Variants in LTN1 observed in about 807,000 individuals in gnomAD.
LTN1 encodes the protein listerin E3 ubiquitin protein ligase 1, also known as E3 ubiquitin-protein ligase listerin.
LTN1 carries 88 observed loss-of-function variants against 201.2 expected under a neutral mutation model. The ratio of observed to expected loss-of-function variants is 0.44; its 90% CI spans 0.37 to 0.52. The LOEUF (loss-of-function observed/expected upper bound fraction) is 0.52. LTN1 is among the 20% of genes least tolerant of loss of function. LTN1 has a pLI of 0.00. For missense variants in LTN1, 1,752 were observed against 2,038.7 expected, an observed-to-expected ratio of 0.86 and a Z score of 2.71; for synonymous variants, 645 against 713.5, an observed-to-expected ratio of 0.90 and a Z score of 1.53.
At chr21:28,969,679 A>G in intron 8 of LTN1, 78 bp from the exon 9 acceptor site, 1 of 1,072,926 alleles carries the variant, frequency 9.3e-7, no homozygotes, top group Non-Finnish European at 1.3e-6. Context: ...TAAAGACCTC[A>G]AAAAGGCATC....
chr21:28,955,630 A>G (rs144394905), intron 16 of LTN1, among the ~76,000 whole-genome samples: 157 of 152,182 alleles, frequency 1.0e-3, no homozygotes, highest in Non-Finnish European at 1.8e-3. Context: ...TTCAGCCATT[A>G]AAAAAAGAAT....
In LTN1 at chr21:28,944,389, C is replaced by T. The variant is rs746064024; in HGVS notation, c.3976G>A (p.Val1326Ile). 6.2e-7 allele frequency: 1 copy of T among 1,609,596 alleles called. No individual in the cohort carries two copies. The highest frequency in any genetic ancestry group is 1.1e-5 in the South Asian group (1 of 90,960). Residue 1326 changes from valine (V) to isoleucine (I), a missense_variant, in exon 22 of 30, where the codon GTT becomes ATT. Val to Ile is a conservative substitution (Grantham distance 29). This residue lies in a region of LTN1 where 1,211 missense variants were observed against 1,312.8 expected (regional missense o/e 0.92). Transcript: ENST00000361371. ...TATTCCCTTTTTCACTTGCCTGTAA[C>T]AGTCACCAAAATAGGTAAAAGCAAA... The part of the protein sequence containing the change: ...HSLLLPILVT[V>I]TGENKDVSET...
intron 18 of LTN1, among the ~76,000 whole-genome samples, chr21:28,951,030 C>A (rs2084378205): frequency 6.6e-6 from 1 of 151,682 alleles, no homozygotes. Flanking sequence ...CTGTCTCTCA[C>A]ACACACAAAC....
In LTN1 at chr21:28,930,800, A is replaced by G. The variant is rs74984648; in HGVS notation, c.5239-290T>C. Among the ~76,000 whole-genome samples the G allele has an allele frequency of 8.8e-3, 1,334 of 152,322 alleles. 18 individuals are homozygous for G. The highest frequency in any genetic ancestry group is 0.063 in the East Asian group (324 of 5,178). On this transcript the variant is annotated intron_variant, in intron 29 of 29. Coordinates refer to ENST00000361371, the MANE Select transcript of LTN1 (RefSeq NM_015565.3). ...GCAACTTCTTTTTCAGTATGTTTAA[A>G]AAGAGCACAGGGCTCTGATGCCAGA... is the stretch of plus-strand genomic sequence containing the variant.
rs142531321 is a variant in LTN1, at chr21:28,966,587, C to G, written c.1904G>C (p.Gly635Ala). The G allele has an allele frequency of 6.8e-6, 11 of 1,613,932 alleles. No individual in the cohort carries two copies. Among genetic ancestry groups the G allele is most frequent in the African/African-American group, 6.7e-5 (5 of 74,918 alleles). Reference sequence around the variant, plus strand: ...TTGGACAATACTCTGTTTTTCATCACCAAGTAGCATTTTAAATACTCGGCT... The same window carrying G: ...TTGGACAATACTCTGTTTTTCATCAGCAAGTAGCATTTTAAATACTCGGCT... The part of the protein sequence containing the change: ...SSSRVFKMLL[G>A]DEKQSIVQAK... The change falls in exon 10 of 30, where the codon GGT (glycine) becomes GCT (alanine). Residue 635 changes from glycine to alanine, a missense_variant. By Grantham distance (60) the Gly-to-Ala change is moderately conservative. Transcript: ENST00000361371.
chr21:28,970,837 C>G (rs936330680), intron 7 of LTN1, 95 bp from the exon 8 acceptor site: 1 of 948,160 alleles, frequency 1.1e-6, no homozygotes, highest in Non-Finnish European at 1.5e-6. Context: ...AAAGAAAAAC[C>G]AAGTATTTTA....
intron 29 of LTN1, 132 bp from the exon 30 acceptor site, chr21:28,930,642 CTCTT>C: frequency 7.3e-6 from 4 of 545,620 alleles, no homozygotes; most frequent in Admixed American, 3.8e-5. Flanking sequence ...AAAATTTTTG[CTCTT>C]TCTGTTATCT....
At chr21:28,952,100 G>T in intron 18 of LTN1, 60 bp downstream of exon 18, 1 of 883,304 alleles carries the variant, frequency 1.1e-6, no homozygotes, top group Non-Finnish European at 1.8e-6. Context: ...ATTAATTAGG[G>T]GTTGCCAAAG....
chr21:28,968,350 G>C (rs1340910746), intron 9 of LTN1, among the ~76,000 whole-genome samples: 1 of 152,088 alleles, frequency 6.6e-6, no homozygotes, highest in African/African-American at 2.4e-5. Flanking sequence ...AGGACCCACA[G>C]AGTGCGGAAT....
chr21:28,943,620 A>AT (rs1477361502), intron 23 of LTN1, 47 bp downstream of exon 23: 3 of 1,365,598 alleles, frequency 2.2e-6, no homozygotes, highest in African/African-American at 1.4e-5. Flanking sequence ...CATATATTCT[A>AT]TTTTTTTAGA....
chr21:28,949,031 T>G (rs575080188), intron 18 of LTN1, among the ~76,000 whole-genome samples: 9 of 152,356 alleles, frequency 5.9e-5, no homozygotes, highest in African/African-American at 1.9e-4. Flanking sequence ...AGCTGCACAT[T>G]TAATGAATCT....
chr21:28,952,795 C>A (rs1029486681), intron 17 of LTN1, among the ~76,000 whole-genome samples: 2 of 152,200 alleles, frequency 1.3e-5, no homozygotes, highest in African/African-American at 4.8e-5. Context: ...CATCTTACTA[C>A]TACAACCTCT....
Position 28,990,933 on chromosome 21 carries a change from C to CT in LTN1, c.42+1830dup, listed in dbSNP as rs879804106. ...AATCTCAGATGTTAAAACGGTTTAT[C>CT]TTTTTAAAAAAGTCCCAGCCTGGGC... On this transcript the variant is annotated intron_variant, in intron 1 of 29. Coordinates refer to ENST00000361371, the MANE Select transcript of LTN1 (RefSeq NM_015565.3). Among the ~76,000 whole-genome samples, 634 of 152,206 alleles carry CT rather than the reference C, an allele frequency of 4.2e-3. 1 individual carries two copies. Among genetic ancestry groups the CT allele is most frequent in the Non-Finnish European group, 5.1e-3 (347 of 68,010 alleles).
Position 28,966,923 on chromosome 21 carries a change from T to C in LTN1, c.1568A>G (p.Gln523Arg), listed in dbSNP as rs759169032. The C allele has an allele frequency of 2.7e-5, 43 of 1,613,520 alleles. No individual in the cohort carries two copies. The South Asian group carries it at 4.7e-4, about 18-fold the overall frequency. Residue 523 changes from glutamine to arginine, a missense_variant, in exon 10 of 30, where the codon CAG (glutamine) becomes CGG (arginine). By Grantham distance (43) the Gln-to-Arg change is conservative. Transcript: ENST00000361371. ...LGVSNLLQVL[Q>R]KPKSSLKSSK... ...TGACTTCAATGAGCTCTTCGGCTTC[T>C]GAAGCACCTGTAATAGGTTAGATAC...
intron 1 of LTN1, among the ~76,000 whole-genome samples, chr21:28,988,243 G>A (rs1346035986): frequency 6.6e-6 from 1 of 151,884 alleles, no homozygotes; most frequent in Non-Finnish European, 1.5e-5. Flanking sequence ...AAGGCGGGTG[G>A]ATCACTTGAG....
At chr21:28,933,640 C>T (rs2084229249) in intron 27 of LTN1, among the ~76,000 whole-genome samples, 1 of 150,036 alleles carries the variant, frequency 6.7e-6, no homozygotes, top group African/African-American at 2.5e-5. Context: ...CACTTCTATG[C>T]TTTTTGCTTT....
chr21:28,975,290 T>G (rs1345736984), intron 6 of LTN1, among the ~76,000 whole-genome samples: 2 of 151,902 alleles, frequency 1.3e-5, no homozygotes, highest in Non-Finnish European at 2.9e-5. Flanking sequence ...CAAGTGGAAG[T>G]TCTAGGAATA....
rs1351359984 is a variant in LTN1, at chr21:28,935,346, T to G, written c.4655-17A>C. ...TTGTTGTTTCTGAGGAAAAAACAAA[T>G]TATTGATTAGTAACATATATTTCTT... On this transcript the variant is annotated splice_polypyrimidine_tract_variant and intron_variant, in intron 26 of 29. Coordinates refer to ENST00000361371, the MANE Select transcript of LTN1 (RefSeq NM_015565.3). 1 of 1,451,036 alleles carries G rather than the reference T, an allele frequency of 6.9e-7. No individual in the cohort carries two copies. Among genetic ancestry groups the G allele is most frequent in the Non-Finnish European group, 9.6e-7 (1 of 1,039,318 alleles). The allele number at this position is 1,451,036 out of a possible 1,614,324, so 89.9% of individuals were successfully genotyped here.
intron 17 of LTN1, among the ~76,000 whole-genome samples, chr21:28,952,696 G>C (rs551487841): frequency 6.6e-6 from 1 of 152,314 alleles, no homozygotes; most frequent in African/African-American, 2.4e-5. Flanking sequence ...TGGGTCCTCT[G>C]ATACAGCAAA....
Sources: gnomAD v4.1 joint callset for allele counts (sites outside exome capture counted in the v4.1 genomes callset) on GRCh38, gnomAD v4.1.1 for gene constraint, gnomAD v4.1.1 regional missense constraint, MANE v1.5 for transcripts, NCBI Gene and HGNC (gene_info 2026-07-23, HGNC 2026-07-21) for gene names.